The following TMEM131L variants were observed in gnomAD, a reference collection of about 807,000 sequenced individuals.
TMEM131L encodes transmembrane protein 131-like.
TMEM131L carries 54 observed loss-of-function variants against 192.2 expected under a neutral mutation model. The ratio of observed to expected loss-of-function variants is 0.28; its 90% CI spans 0.23 to 0.35. The LOEUF (loss-of-function observed/expected upper bound fraction) is 0.35. Among genes scored for constraint, TMEM131L ranks in the 10% least tolerant of loss-of-function variants. TMEM131L has a pLI of 1.00. For synonymous variants in TMEM131L, 701 were observed against 704.9 expected (o/e 0.99, Z 0.09); for missense variants, 1,888 against 1,972.9 (o/e 0.96, Z 0.82).
At chr4:153,521,427 A>G (rs1031242815) in intron 3 of TMEM131L, among the ~76,000 whole-genome samples, 2 of 152,206 alleles carry the variant, frequency 1.3e-5, no homozygotes, top group Admixed American at 6.5e-5. Flanking sequence ...ATAGGAAAGG[A>G]CACGTGCTGT....
intron 3 of TMEM131L, among the ~76,000 whole-genome samples, chr4:153,525,374 C>G (rs1321404333): frequency 6.6e-6 from 1 of 152,162 alleles, no homozygotes; most frequent in Non-Finnish European, 1.5e-5. Flanking sequence ...GGATCTCACT[C>G]TGTCACCCAG....
rs1341360229 is a variant in TMEM131L, at chr4:153,602,336, T to C, written c.2451T>C (p.Ile817=). ...CAAACACATCCCGCGATATCAGCAT[T>C]GTGTAAGCATTGGGCTTTAACTTGA... The part of the protein sequence containing the change: ...LDPNTSRDIS[I]VFTPDFTSSW... The change falls in exon 22 of 35, where the codon ATT becomes ATC. Residue 817 remains isoleucine, a splice_region_variant and synonymous_variant. Transcript: ENST00000409959. The C allele has an allele frequency of 5.6e-6, 9 of 1,610,948 alleles. No individual in the cohort carries two copies. Among genetic ancestry groups the C allele is most frequent in the African/African-American group, 2.7e-5 (2 of 74,770 alleles).
At chr4:153,559,006 CT>C (rs1409545235) in intron 7 of TMEM131L, among the ~76,000 whole-genome samples, 2 of 152,148 alleles carry the variant, frequency 1.3e-5, no homozygotes, top group African/African-American at 4.8e-5. Context: ...GAGAAAAGCT[CT>C]TGAACCAATA....
At chr4:153,536,266 AC>A (rs1667723344) in intron 3 of TMEM131L, among the ~76,000 whole-genome samples, 1 of 152,236 alleles carries the variant, frequency 6.6e-6, no homozygotes, top group African/African-American at 2.4e-5. Flanking sequence ...TTGAGGGACC[AC>A]GCAGGGCCAT....
At chr4:153,549,481 A>G (rs1479649188) in intron 3 of TMEM131L, among the ~76,000 whole-genome samples, 1 of 152,114 alleles carries the variant, frequency 6.6e-6, no homozygotes, top group African/African-American at 2.4e-5. Context: ...TTTCTTTTAC[A>G]TGTTTTTAAA....
chr4:153,467,357 C>G, intron 2 of TMEM131L, 76 bp downstream of exon 2: 1 of 1,294,876 alleles, frequency 7.7e-7, no homozygotes, highest in Non-Finnish European at 1.1e-6. Context: ...GTCCTCCCCA[C>G]CCCCTGTCCA....
At chr4:153,541,793 G>A (rs569229343) in intron 3 of TMEM131L, among the ~76,000 whole-genome samples, 12 of 152,374 alleles carry the variant, frequency 7.9e-5, no homozygotes, top group African/African-American at 2.2e-4. Context: ...TTAGCAGCTA[G>A]AGCCACAGCC....
At chr4:153,588,034 C>T (rs1228620429) in intron 15 of TMEM131L, among the ~76,000 whole-genome samples, 4 of 141,914 alleles carry the variant, frequency 2.8e-5, no homozygotes, top group South Asian at 2.2e-4. Context: ...CTTGTACTTC[C>T]GCAAGGGTTT....
chr4:153,622,934 A>C lies in TMEM131L; in HGVS notation c.3896A>C (p.Asp1299Ala). The change falls in exon 29 of 35, where the codon GAC becomes GCC. Residue 1299 changes from aspartate to alanine, a missense_variant. Physicochemically the swap from Asp to Ala is moderately radical, Grantham distance 126. Coordinates refer to ENST00000409959, the MANE Select transcript of TMEM131L (RefSeq NM_001131007.2). ...CAGAAGCCTGAGAAGAAATGTGTGGACAAGTTCTGCTCCGATTCCAGCTCT... is the reference window on the plus strand; with the variant it reads ...CAGAAGCCTGAGAAGAAATGTGTGGCCAAGTTCTGCTCCGATTCCAGCTCT... ...YYQKPEKKCV[D>A]KFCSDSSSDC... 2 of 1,614,224 alleles carry C rather than the reference A, an allele frequency of 1.2e-6. No homozygotes were observed. The highest frequency in any genetic ancestry group is 1.7e-6 in the Non-Finnish European group (2 of 1,180,038).
chr4:153,634,429 C>T, intron 33 of TMEM131L, 149 bp downstream of exon 33: 1 of 621,664 alleles, frequency 1.6e-6, no homozygotes, highest in Admixed American at 3.0e-5. Flanking sequence ...CATGTGGATC[C>T]AGTTGTGCAC....
intron 3 of TMEM131L, among the ~76,000 whole-genome samples, chr4:153,531,057 A>G (rs1252071859): frequency 6.6e-6 from 1 of 152,204 alleles, no homozygotes; most frequent in Non-Finnish European, 1.5e-5. Flanking sequence ...CTGCATTGGA[A>G]ACAGAAGTGT....
chr4:153,589,986 A>G (rs1036615), intron 16 of TMEM131L, among the ~76,000 whole-genome samples: 3,454 of 152,354 alleles, frequency 0.023, 122 homozygotes, highest in Admixed American at 0.095. Flanking sequence ...TTTCTTATGT[A>G]TAACTATACT....
chr4:153,470,974 GT>G (rs1200394796), intron 2 of TMEM131L, among the ~76,000 whole-genome samples: 1 of 147,222 alleles, frequency 6.8e-6, no homozygotes, highest in African/African-American at 2.6e-5. Flanking sequence ...AGTGCCTTCG[GT>G]TTTTTTTGTT....
intron 3 of TMEM131L, among the ~76,000 whole-genome samples, chr4:153,540,356 C>A (rs777209625): frequency 3.3e-5 from 5 of 152,138 alleles, no homozygotes; most frequent in Non-Finnish European, 7.3e-5. Context: ...CCAGCCTTAC[C>A]TGAAGACAGC....
chr4:153,581,564 A>T lies in TMEM131L; in HGVS notation c.892+4A>T, dbSNP rs773130619. 1 of 1,521,328 alleles carries T rather than the reference A, an allele frequency of 6.6e-7. No homozygotes were observed. Among genetic ancestry groups the T allele is most frequent in the African/African-American group, 1.4e-5 (1 of 71,212 alleles). The allele number at this position is 1,521,328 out of a possible 1,614,324, so 94.2% of individuals were successfully genotyped here. A position where few individuals can be genotyped will look rare whatever the true frequency, so the allele number is the denominator to read the frequency against. ...ACAGATGAATCTGAGACCTCAGGTAAGGTGGAATGTTTAAAAATTTTATTA... is the reference window on the plus strand; with the variant it reads ...ACAGATGAATCTGAGACCTCAGGTATGGTGGAATGTTTAAAAATTTTATTA... On this transcript the variant is annotated splice_donor_region_variant and intron_variant, in intron 9 of 34. Coordinates refer to ENST00000409959, the MANE Select transcript of TMEM131L (RefSeq NM_001131007.2).
At chr4:153,543,043 C>T (rs965090530) in intron 3 of TMEM131L, among the ~76,000 whole-genome samples, 1 of 152,220 alleles carries the variant, frequency 6.6e-6, no homozygotes, top group Non-Finnish European at 1.5e-5. Context: ...GAGAGCGCCT[C>T]CAACAGACCA....
At chr4:153,557,200 A>T (rs1268484665) in intron 6 of TMEM131L, 118 bp downstream of exon 6, 1 of 651,338 alleles carries the variant, frequency 1.5e-6, no homozygotes, top group African/African-American at 1.9e-5. Flanking sequence ...TCGTTAAAAT[A>T]CAAGACTGTT....
At chr4:153,501,943 G>GTTTTTTTT (rs575832226) in intron 3 of TMEM131L, among the ~76,000 whole-genome samples, 1 of 117,398 alleles carries the variant, frequency 8.5e-6, no homozygotes, top group East Asian at 2.5e-4. Flanking sequence ...CCCCCAAAGG[G>GTTTTTTTT]TTTTTTTTTT....
At chr4:153,468,305 AT>A (rs2079028451) in intron 2 of TMEM131L, among the ~76,000 whole-genome samples, 1 of 152,172 alleles carries the variant, frequency 6.6e-6, no homozygotes. Flanking sequence ...CAGAGAGGTG[AT>A]TTTAGAGGAG....
Sources: gnomAD v4.1 joint callset for allele counts (sites outside exome capture counted in the v4.1 genomes callset) on GRCh38, gnomAD v4.1.1 for gene constraint, MANE v1.5 for transcripts, NCBI Gene and HGNC (gene_info 2026-07-23, HGNC 2026-07-21) for gene names.